Variants in DIAPH3 observed in about 807,000 individuals in gnomAD.
DIAPH3 encodes protein diaphanous homolog 3.
A neutral mutation model predicts 144.3 loss-of-function variants in DIAPH3; 117 were observed. The ratio of observed to expected loss-of-function variants is 0.81; its 90% CI spans 0.70 to 0.95. The LOEUF is 0.95. DIAPH3 is among the 40% of genes least tolerant of loss of function. DIAPH3 has a pLI of 0.00. For synonymous variants in DIAPH3, 519 were observed against 488.9 expected (o/e 1.06, Z -0.81); for missense variants, 1,421 against 1,412.7 (o/e 1.01, Z -0.09).
intron 5 of DIAPH3, among the ~76,000 whole-genome samples, chr13:60,022,991 G>A (rs1057491293): frequency 6.6e-6 from 1 of 152,036 alleles, no homozygotes; most frequent in East Asian, 1.9e-4. Context: ...GAGGGTTTTG[G>A]TTTTGTTTTG....
chr13:59,834,801 A>G lies in DIAPH3; in HGVS notation c.2863-1530T>C, dbSNP rs575650222. 9.9e-5 allele frequency among the ~76,000 whole-genome samples: 15 copies of G among 151,882 alleles called. No individual in the cohort carries two copies. In the South Asian group the frequency reaches 3.1e-3, roughly 31 times the overall value. ...CATAAAATTCATTATAAAAATATTG[A>G]TATAAGCCCAATTACTTGATGTTTT... On this transcript the variant is annotated intron_variant, in intron 23 of 27. Coordinates refer to ENST00000400324, the MANE Select transcript of DIAPH3 (RefSeq NM_001042517.2).
At chr13:59,912,107 A>G (rs1346365766) in intron 19 of DIAPH3, among the ~76,000 whole-genome samples, 1 of 152,106 alleles carries the variant, frequency 6.6e-6, no homozygotes, top group East Asian at 1.9e-4. Context: ...GAGAAAGAGA[A>G]CTCAACCTAT....
In DIAPH3 at chr13:59,774,264, AT is replaced by A. The variant is rs773219443; in HGVS notation, c.3260-17del. 6 of 1,597,500 alleles carry A rather than the reference AT, an allele frequency of 3.8e-6. No individual in the cohort carries two copies. The highest frequency in any genetic ancestry group is 2.2e-5 in the South Asian group (2 of 89,814). ...TGCCGAACATCTGTTAAAAAAAAAA[AT>A]AAAATAAACTTAATATAGAGGTCTG... is the stretch of plus-strand genomic sequence containing the variant. On this transcript the variant is annotated splice_polypyrimidine_tract_variant and intron_variant, in intron 26 of 27. Coordinates refer to ENST00000400324, the MANE Select transcript of DIAPH3 (RefSeq NM_001042517.2).
intron 4 of DIAPH3, among the ~76,000 whole-genome samples, chr13:60,093,306 G>A (rs1268614309): frequency 6.6e-6 from 1 of 152,098 alleles, no homozygotes; most frequent in African/African-American, 2.4e-5. Flanking sequence ...TTTCTATAAT[G>A]CAGATATCAC....
chr13:59,723,776 A>G (rs1467853853), intron 27 of DIAPH3, among the ~76,000 whole-genome samples: 2 of 150,528 alleles, frequency 1.3e-5, no homozygotes, highest in Non-Finnish European at 2.9e-5. Flanking sequence ...GCACCCAGCT[A>G]ATTTTTTTTT....
intron 17 of DIAPH3, among the ~76,000 whole-genome samples, chr13:59,969,397 G>C (rs2050229106): frequency 6.6e-6 from 1 of 151,738 alleles, no homozygotes; most frequent in Non-Finnish European, 1.5e-5. Context: ...ATTTTTTTTG[G>C]ATTATACTTT....
intron 20 of DIAPH3, among the ~76,000 whole-genome samples, chr13:59,906,801 A>C (rs1566497942): frequency 6.6e-6 from 1 of 152,220 alleles, no homozygotes; most frequent in Non-Finnish European, 1.5e-5. Flanking sequence ...ACCAAGCTTC[A>C]ACTGCAAATT....
chr13:59,932,057 A>G (rs887156183), intron 17 of DIAPH3, among the ~76,000 whole-genome samples: 2 of 152,212 alleles, frequency 1.3e-5, no homozygotes, highest in Admixed American at 6.5e-5. Flanking sequence ...TAAAATTTTC[A>G]GATGAAGGCT....
At chr13:59,877,350 T>G (rs1288718730) in intron 21 of DIAPH3, among the ~76,000 whole-genome samples, 12 of 152,086 alleles carry the variant, frequency 7.9e-5, no homozygotes. Context: ...TTTGGTTTCC[T>G]CTGTTGCTCT....
At chr13:59,909,372 A>T (rs1254827774) in intron 20 of DIAPH3, among the ~76,000 whole-genome samples, 1 of 147,214 alleles carries the variant, frequency 6.8e-6, no homozygotes, top group African/African-American at 2.5e-5. Flanking sequence ...ATTATCAAGG[A>T]TTGTTTGGAG....
At chr13:59,774,670 G>A (rs2038300294) in intron 26 of DIAPH3, 58 bp downstream of exon 26, 2 of 1,482,122 alleles carry the variant, frequency 1.3e-6, no homozygotes, top group Non-Finnish European at 1.9e-6. Context: ...GAGAAAAACA[G>A]GATTCTTTCT....
chr13:59,912,009 C>A (rs2047018529), intron 19 of DIAPH3, among the ~76,000 whole-genome samples, 173 bp from the exon 20 acceptor site: 1 of 152,102 alleles, frequency 6.6e-6, no homozygotes, highest in African/African-American at 2.4e-5. Flanking sequence ...TGAAAACAGT[C>A]AATTTTCCAT....
At chr13:60,110,724 G>T (rs1404390354) in intron 3 of DIAPH3, among the ~76,000 whole-genome samples, 1 of 152,182 alleles carries the variant, frequency 6.6e-6, no homozygotes, top group African/African-American at 2.4e-5. Flanking sequence ...ACTCCAGTGA[G>T]GGTTTGATCA....
intron 4 of DIAPH3, among the ~76,000 whole-genome samples, chr13:60,067,894 T>C (rs1260801900): frequency 2.0e-5 from 3 of 152,198 alleles, no homozygotes; most frequent in Non-Finnish European, 4.4e-5. Context: ...TCCCTACAGA[T>C]AAAATCCTAT....
intron 27 of DIAPH3, among the ~76,000 whole-genome samples, chr13:59,758,953 ATTT>A (rs915956860): frequency 3.8e-5 from 5 of 130,124 alleles, no homozygotes; most frequent in Admixed American, 8.0e-5. Flanking sequence ...CTAATTTTGA[ATTT>A]TTTTTTTTTT....
intron 4 of DIAPH3, among the ~76,000 whole-genome samples, chr13:60,078,539 C>A: frequency 6.6e-6 from 1 of 151,704 alleles, no homozygotes; most frequent in African/African-American, 2.4e-5. Flanking sequence ...ATGGGTCATT[C>A]AAAGTTAAAA....
chr13:59,960,823 C>A (rs1162900180), intron 17 of DIAPH3, among the ~76,000 whole-genome samples: 1 of 151,910 alleles, frequency 6.6e-6, no homozygotes, highest in East Asian at 1.9e-4. Context: ...TATTATTAGG[C>A]CCCAGTCCCA....
intron 4 of DIAPH3, among the ~76,000 whole-genome samples, chr13:60,070,152 A>G (rs536054618): frequency 6.6e-6 from 1 of 152,032 alleles, no homozygotes; most frequent in Admixed American, 6.5e-5. Flanking sequence ...TCTCTAATTT[A>G]TCTCAGCAAT....
chr13:59,996,398 T>C (rs1472062565), intron 9 of DIAPH3, among the ~76,000 whole-genome samples: 1 of 152,110 alleles, frequency 6.6e-6, no homozygotes, highest in Non-Finnish European at 1.5e-5. Context: ...AAGCCAATAC[T>C]GTAAGCTCAC....
Sources: gnomAD v4.1 joint callset for allele counts (sites outside exome capture counted in the v4.1 genomes callset) on GRCh38, gnomAD v4.1.1 for gene constraint, MANE v1.5 for transcripts, NCBI Gene and HGNC (gene_info 2026-07-23, HGNC 2026-07-21) for gene names.